Variants in ZNF670 observed in about 807,000 individuals in gnomAD.
ZNF670 encodes the protein zinc finger protein 670.
A neutral mutation model predicts 10.9 loss-of-function variants in ZNF670; 7 were observed. The observed-to-expected ratio is 0.64, with a 90% CI of 0.36 to 1.20. The LOEUF is 1.20. Ranked by LOEUF, ZNF670 falls within the 50% of genes most tolerant of loss-of-function variation. The pLI is 0.02. For missense variants in ZNF670, 446 were observed against 458.6 expected, an observed-to-expected ratio of 0.97 and a Z score of 0.25; for synonymous variants, 136 against 152.7, an observed-to-expected ratio of 0.89 and a Z score of 0.81.
At position 247,078,717 on chromosome 1, in the gene ZNF670, G is replaced by T. The variant is rs1038490452; in HGVS notation, c.-121C>A. 1 of 1,077,012 alleles carries T rather than the reference G, an allele frequency of 9.3e-7. No homozygotes were observed. The highest frequency in any genetic ancestry group is 2.4e-5 in the Admixed American group (1 of 41,274). 66.7% of individuals were successfully genotyped at this position (1,077,012 alleles called of 1,614,324 possible). On this transcript the variant is annotated 5_prime_UTR_variant, in exon 1 of 4. Coordinates refer to ENST00000366503, the MANE Select transcript of ZNF670 (RefSeq NM_033213.5). ...CCAGGGATAAGGGGAAGGAGCAGCGGAGACGCACCGAGCTCGCCACATTCG... is the reference window on the plus strand; with the variant it reads ...CCAGGGATAAGGGGAAGGAGCAGCGTAGACGCACCGAGCTCGCCACATTCG...
At position 247,074,316 on chromosome 1, in the gene ZNF670, C is replaced by A. The variant is rs572325697; in HGVS notation, c.3+4278G>T. ...CCTCAGCCTGAGCCAACATACAACC[C>A]CTCTTTATGCCTCTCCTGTGAACAG... is the stretch of plus-strand genomic sequence containing the variant. On this transcript the variant is annotated intron_variant, in intron 1 of 3. Coordinates refer to ENST00000366503, the MANE Select transcript of ZNF670 (RefSeq NM_033213.5). 2.0e-4 allele frequency among the ~76,000 whole-genome samples: 30 copies of A among 152,128 alleles called. No homozygotes were observed. The South Asian group carries it at 5.8e-3, about 30-fold the overall frequency.
chr1:247,056,403 C>T (rs543689249), intron 1 of ZNF670, among the ~76,000 whole-genome samples: 10 of 152,124 alleles, frequency 6.6e-5, no homozygotes, highest in Admixed American at 2.0e-4. Flanking sequence ...TACAGATCCA[C>T]GGAAATTAAT....
At chr1:247,038,733 G>GT in intron 3 of ZNF670, 77 bp downstream of exon 3, 1 of 1,310,186 alleles carries the variant, frequency 7.6e-7, no homozygotes. Context: ...GTTCTTAGTT[G>GT]TTTTGTCTGT....
At chr1:247,060,990 T>C (rs1282868218) in intron 1 of ZNF670, among the ~76,000 whole-genome samples, 1 of 152,124 alleles carries the variant, frequency 6.6e-6, no homozygotes, top group Non-Finnish European at 1.5e-5. Context: ...ATATATTTTC[T>C]GCTATGCAAC....
chr1:247,053,091 C>T (rs972466408), intron 1 of ZNF670, among the ~76,000 whole-genome samples: 3 of 152,160 alleles, frequency 2.0e-5, no homozygotes, highest in African/African-American at 7.2e-5. Flanking sequence ...AGTGACAGGC[C>T]TCACGCAGTT....
intron 1 of ZNF670, among the ~76,000 whole-genome samples, chr1:247,040,428 C>G (rs1670276855): frequency 6.6e-6 from 1 of 152,112 alleles, no homozygotes; most frequent in Non-Finnish European, 1.5e-5. Context: ...CAAGATATCA[C>G]CTCTTTCAAA....
chr1:247,049,769 T>C (rs1055799254), intron 1 of ZNF670, among the ~76,000 whole-genome samples: 2 of 152,264 alleles, frequency 1.3e-5, no homozygotes, highest in African/African-American at 4.8e-5. Context: ...CTTGATTTCA[T>C]TGTTGACCCA....
rs768978484 is a variant in ZNF670 at position 247,038,181 on chromosome 1, A to G, written c.438T>C (p.Cys146=). Residue 146 remains cysteine, a synonymous_variant, in exon 4 of 4, where the codon TGT becomes TGC. Coordinates refer to ENST00000366503, the MANE Select transcript of ZNF670 (RefSeq NM_033213.5). ...TGGTGAGAGAGATAAAGGCTTTCCC[A>G]CATTGTTTGCAATGATATAACTTCT... is the stretch of plus-strand genomic sequence containing the variant. ...CPEKLYHCKQ[C]GKAFISLTSV... 6.8e-6 allele frequency: 11 copies of G among 1,614,036 alleles called. No homozygotes were observed. Among genetic ancestry groups the G allele is most frequent in the Non-Finnish European group, 5.9e-6 (7 of 1,180,026 alleles).
In ZNF670 at chr1:247,035,455, A is replaced by G. The variant is rs757553620; in HGVS notation, c.*1994T>C. Among the ~76,000 whole-genome samples the G allele has an allele frequency of 1.4e-4, 22 of 152,180 alleles. No individual in the cohort carries two copies. Among genetic ancestry groups the G allele is most frequent in the Non-Finnish European group, 2.4e-4 (16 of 68,040 alleles). On this transcript the variant is annotated 3_prime_UTR_variant, in exon 4 of 4. Coordinates refer to ENST00000366503, the MANE Select transcript of ZNF670 (RefSeq NM_033213.5). ...GCTTCTTGGTTCTCATAAGGATGCAATTGGTTTGTTTAAATGCATCTGTGG... is the reference window on the plus strand; with the variant it reads ...GCTTCTTGGTTCTCATAAGGATGCAGTTGGTTTGTTTAAATGCATCTGTGG...
At chr1:247,041,096 C>G (rs1297045477) in intron 1 of ZNF670, among the ~76,000 whole-genome samples, 7 of 152,174 alleles carry the variant, frequency 4.6e-5, no homozygotes, top group Non-Finnish European at 1.0e-4. Context: ...TTGGTACTAA[C>G]TGAAAAAGTA....
intron 1 of ZNF670, among the ~76,000 whole-genome samples, chr1:247,042,153 TTA>T (rs1670325738): frequency 6.6e-6 from 1 of 152,256 alleles, no homozygotes; most frequent in African/African-American, 2.4e-5. Flanking sequence ...AACACAATTT[TTA>T]TGTTTCTTTG....
At chr1:247,041,621 A>C (rs1318012392) in intron 1 of ZNF670, among the ~76,000 whole-genome samples, 1 of 152,208 alleles carries the variant, frequency 6.6e-6, no homozygotes, top group African/African-American at 2.4e-5. Flanking sequence ...TGTGTAGCCC[A>C]TTAATTTTTC....
At chr1:247,064,827 C>G (rs998900427) in intron 1 of ZNF670, among the ~76,000 whole-genome samples, 1 of 152,088 alleles carries the variant, frequency 6.6e-6, no homozygotes, top group African/African-American at 2.4e-5. Flanking sequence ...TTATTTTTGA[C>G]TGGGTCTCAC....
intron 1 of ZNF670, among the ~76,000 whole-genome samples, chr1:247,047,214 G>A (rs1670471704): frequency 6.6e-6 from 1 of 152,202 alleles, no homozygotes; most frequent in African/African-American, 2.4e-5. Flanking sequence ...AGCTCCACTA[G>A]GCAGTGCCTC....
At chr1:247,068,557 GGTGGGAATGTAAATTA>G (rs1298319776) in intron 1 of ZNF670, among the ~76,000 whole-genome samples, 2 of 150,466 alleles carry the variant, frequency 1.3e-5, no homozygotes, top group Non-Finnish European at 2.9e-5. Context: ...GTACACTGTT[GGTGGGAATGTAAATTA>G]GTGCAACCAC....
intron 1 of ZNF670, among the ~76,000 whole-genome samples, chr1:247,075,110 T>TA (rs1671223849): frequency 1.3e-5 from 2 of 152,314 alleles, no homozygotes; most frequent in East Asian, 3.9e-4. Context: ...GTGAGGCACT[T>TA]ACGTTTAATA....
In ZNF670 at chr1:247,038,197, T is replaced by C. The variant is rs765280628; in HGVS notation, c.422A>G (p.Tyr141Cys). 2.5e-6 allele frequency: 4 copies of C among 1,614,196 alleles called. No individual in the cohort carries two copies. ...FECEECPEKL[Y>C]HCKQCGKAFI... is the part of the protein sequence containing the mutation. ...GGCTTTCCCACATTGTTTGCAATGA[T>C]ATAACTTCTCTGGACATTCCTCACA... The change falls in exon 4 of 4, where the codon TAT becomes TGT. Residue 141 changes from tyrosine (Y) to cysteine (C), a missense_variant. By Grantham distance (194) the Tyr-to-Cys change is radical. Coordinates refer to ENST00000366503, the MANE Select transcript of ZNF670 (RefSeq NM_033213.5).
In ZNF670 at chr1:247,037,244, T is replaced by C; in HGVS notation, c.*205A>G. On this transcript the variant is annotated 3_prime_UTR_variant, in exon 4 of 4. Coordinates refer to ENST00000366503, the MANE Select transcript of ZNF670 (RefSeq NM_033213.5). ...AAGTGTTCTAACACATTTTTCGTAT[T>C]TTATGACGTTCTTTCCCAGGACGGG... 2.0e-6 allele frequency: 1 copy of C among 504,544 alleles called. No individual in the cohort carries two copies. Among genetic ancestry groups the C allele is most frequent in the Non-Finnish European group, 3.3e-6 (1 of 303,236 alleles). 31.3% of individuals were successfully genotyped at this position (504,544 alleles called of 1,614,324 possible). A position where few individuals can be genotyped will look rare whatever the true frequency, so the allele number is the denominator to read the frequency against.
In ZNF670 at chr1:247,048,202, C is replaced by T. The variant is rs538151753; in HGVS notation, c.4-8665G>A. On this transcript the variant is annotated intron_variant, in intron 1 of 3. Transcript: ENST00000366503. ...ATGCTTTTAAGAGCACCCAAGTCACCTCTTGAATGCTTTGCTCTTTAGAAA... is the reference window on the plus strand; with the variant it reads ...ATGCTTTTAAGAGCACCCAAGTCACTTCTTGAATGCTTTGCTCTTTAGAAA... Among the ~76,000 whole-genome samples the T allele has an allele frequency of 4.2e-4, 64 of 152,284 alleles. 1 individual carries two copies. The highest frequency in any genetic ancestry group is 1.5e-3 in the African/African-American group (62 of 41,554).
Sources: allele counts gnomAD v4.1 joint callset (sites outside exome capture counted in the v4.1 genomes callset), GRCh38; gene constraint gnomAD v4.1.1; transcripts MANE v1.5; gene names NCBI Gene and HGNC (gene_info 2026-07-23, HGNC 2026-07-21).